Variants in DNAH7 observed in about 807,000 individuals in gnomAD.
DNAH7 encodes axonemal beta dynein heavy chain 7.
In DNAH7, 397 loss-of-function variants were observed where a neutral mutation model predicts 444.6. The ratio of observed to expected loss-of-function variants is 0.89; its 90% CI spans 0.82 to 0.97. The LOEUF (loss-of-function observed/expected upper bound fraction) is 0.97. DNAH7 is among the 50% of genes least tolerant of loss of function. DNAH7 has a pLI of 0.00. For synonymous variants in DNAH7, 1,636 were observed against 1,624.4 expected, an observed-to-expected ratio of 1.01 and a Z score of -0.17; for missense variants, 4,902 against 4,800.8, an observed-to-expected ratio of 1.02 and a Z score of -0.62.
chr2:196,056,775 C>T (rs1697835971), intron 2 of DNAH7, among the ~76,000 whole-genome samples: 1 of 152,192 alleles, frequency 6.6e-6, no homozygotes, highest in South Asian at 2.1e-4. Flanking sequence ...ATTATTGCGT[C>T]TCAAATACAC....
At chr2:195,987,344 A>G (rs1692988763) in intron 13 of DNAH7, 151 bp from the exon 14 acceptor site, 6 of 553,702 alleles carry the variant, frequency 1.1e-5, no homozygotes, top group Non-Finnish European at 1.8e-5. Flanking sequence ...GGTTTTCCAA[A>G]TAATCATTTG....
At chr2:196,063,907 G>A (rs1404980276) in intron 1 of DNAH7, 1 of 152,200 alleles carries the variant, frequency 6.6e-6, no homozygotes, top group Non-Finnish European at 1.5e-5. Flanking sequence ...GCAGCCAGAG[G>A]ACTGACTCCA....
intron 1 of DNAH7, among the ~76,000 whole-genome samples, chr2:196,058,432 C>T (rs1004834848): frequency 2.0e-5 from 3 of 152,188 alleles, no homozygotes; most frequent in Non-Finnish European, 4.4e-5. Context: ...AAGCTCCGCA[C>T]CCAGGACTCT....
At chr2:195,762,307 T>C (rs1009368270) in intron 61 of DNAH7, among the ~76,000 whole-genome samples, 14 of 151,982 alleles carry the variant, frequency 9.2e-5, no homozygotes, top group Non-Finnish European at 1.6e-4. Context: ...ATCACCTTCA[T>C]TAAGAGGAGA....
At chr2:196,059,934 G>C (rs780368585) in intron 1 of DNAH7, among the ~76,000 whole-genome samples, 39 of 152,266 alleles carry the variant, frequency 2.6e-4, no homozygotes, top group Non-Finnish European at 4.3e-4. Flanking sequence ...CTATGTTTCT[G>C]GCTGGGCGCA....
chr2:195,968,964 TAC>T (rs1480827305), intron 17 of DNAH7, among the ~76,000 whole-genome samples: 5 of 152,350 alleles, frequency 3.3e-5, no homozygotes, highest in South Asian at 4.1e-4. Flanking sequence ...CCCCGACGTG[TAC>T]AGATTCTCTC....
At chr2:195,778,125 A>G in intron 58 of DNAH7, 140 bp from the exon 59 acceptor site, 1 of 728,550 alleles carries the variant, frequency 1.4e-6, no homozygotes, top group East Asian at 3.1e-5. Context: ...CTTCCCTGCT[A>G]ATTGTTGCCA....
At chr2:195,862,008 T>G in intron 41 of DNAH7, 62 bp from the exon 42 acceptor site, 1 of 1,270,340 alleles carries the variant, frequency 7.9e-7, no homozygotes. Flanking sequence ...CTGCTACTAC[T>G]GCAGCCCTTT....
At chr2:195,755,063 G>A (rs775817307) in intron 62 of DNAH7, among the ~76,000 whole-genome samples, 22 of 152,114 alleles carry the variant, frequency 1.4e-4, no homozygotes, top group Non-Finnish European at 2.5e-4. Flanking sequence ...TTTCAGAAAC[G>A]CTCCCTACAA....
Position 195,737,960 on chromosome 2 carries a change from A to G in DNAH7, c.12036T>C (p.Ile4012=). The change falls in exon 65 of 65, where the codon ATT becomes ATC. Residue 4012 remains isoleucine (I), a synonymous_variant. Transcript: ENST00000312428. The part of the protein sequence containing the change: ...LPSDQPKEHW[I]GRGVALLCQL... The stretch of plus-strand genomic sequence containing the variant: ...GACATAACAGTGCTACACCTCGTCC[A>G]ATCCAGTGTTCCTTGGGTTGGTCAG... 1 of 1,614,104 alleles carries G rather than the reference A, an allele frequency of 6.2e-7. No individual in the cohort carries two copies. The highest frequency in any genetic ancestry group is 8.5e-7 in the Non-Finnish European group (1 of 1,179,940).
intron 8 of DNAH7, among the ~76,000 whole-genome samples, chr2:196,021,407 C>G (rs1426761147): frequency 1.3e-5 from 2 of 152,126 alleles, no homozygotes; most frequent in Admixed American, 1.3e-4. Context: ...AGACCACCCC[C>G]ATAAGGCAAA....
At chr2:195,817,603 TA>T in intron 50 of DNAH7, 92 bp downstream of exon 50, 2 of 1,320,670 alleles carry the variant, frequency 1.5e-6, no homozygotes, top group Non-Finnish European at 2.0e-6. Context: ...GTATTCCTAT[TA>T]AATCTAACAA....
At chr2:195,995,033 G>A (rs981004750) in intron 12 of DNAH7, 7 of 257,818 alleles carry the variant, frequency 2.7e-5, no homozygotes, top group Admixed American at 4.9e-5. Context: ...GGGTTCAAGC[G>A]ATTCTCCTGC....
At chr2:195,763,270 C>G (rs1694430618) in intron 61 of DNAH7, among the ~76,000 whole-genome samples, 1 of 151,780 alleles carries the variant, frequency 6.6e-6, no homozygotes, top group South Asian at 2.1e-4. Flanking sequence ...AGTTTAAGTG[C>G]CTACATCAAA....
chr2:195,936,913 G>A, intron 19 of DNAH7, 121 bp from the exon 20 acceptor site: 1 of 853,652 alleles, frequency 1.2e-6, no homozygotes. Context: ...ATTTTAAGGG[G>A]AGTATTTGTT....
At chr2:196,005,214 C>T (rs975285442) in intron 10 of DNAH7, among the ~76,000 whole-genome samples, 7 of 151,622 alleles carry the variant, frequency 4.6e-5, no homozygotes, top group Non-Finnish European at 7.4e-5. Context: ...GCAGAGCTTG[C>T]GGTGAGCCAA....
intron 40 of DNAH7, among the ~76,000 whole-genome samples, chr2:195,868,546 T>C (rs1700488933): frequency 6.6e-6 from 1 of 151,298 alleles, no homozygotes; most frequent in African/African-American, 2.4e-5. Flanking sequence ...TTAAATTGCA[T>C]TATTAGTCTT....
chr2:195,749,576 C>T (rs1693652931), intron 63 of DNAH7, among the ~76,000 whole-genome samples: 1 of 151,724 alleles, frequency 6.6e-6, no homozygotes. Flanking sequence ...AGACTTGGAA[C>T]CAACCCAAAT....
chr2:196,031,266 C>T (rs1459723784), intron 5 of DNAH7, among the ~76,000 whole-genome samples: 3 of 152,230 alleles, frequency 2.0e-5, no homozygotes, highest in African/African-American at 7.2e-5. Context: ...GCTGGAGCAG[C>T]TGGGACACAG....
Sources: gnomAD v4.1 joint callset for allele counts (sites outside exome capture counted in the v4.1 genomes callset) on GRCh38, gnomAD v4.1.1 for gene constraint, MANE v1.5 for transcripts, NCBI Gene and HGNC (gene_info 2026-07-23, HGNC 2026-07-21) for gene names.